Variants in CFAP74 observed in about 807,000 individuals in gnomAD.
The protein encoded by CFAP74 is cilia and flagella associated protein 74, also known as cilia- and flagella-associated protein 74.
In CFAP74, 124 loss-of-function variants were observed where a neutral mutation model predicts 188.9. The ratio of observed to expected loss-of-function variants is 0.66; its 90% CI spans 0.57 to 0.76. The LOEUF (loss-of-function observed/expected upper bound fraction) is 0.76. Among genes scored for constraint, CFAP74 ranks in the 30% least tolerant of loss-of-function variants. CFAP74 has a pLI of 0.00. For missense variants in CFAP74, 2,198 were observed against 2,165.2 expected (o/e 1.02, Z -0.30); for synonymous variants, 956 against 916.7 (o/e 1.04, Z -0.77).
chr1:1,927,566 G>A, intron 28 of CFAP74, 41 bp downstream of exon 28: 1 of 1,528,242 alleles, frequency 6.5e-7, no homozygotes, highest in East Asian at 2.4e-5. Flanking sequence ...CACCAGAGGG[G>A]CCTGGAGGGA....
intron 6 of CFAP74, among the ~76,000 whole-genome samples, chr1:1,981,572 C>T (rs113838672): frequency 7.9e-5 from 9 of 114,362 alleles, no homozygotes; most frequent in Admixed American, 6.5e-4. Flanking sequence ...CACAGGACAC[C>T]CAGCCGTGGA....
chr1:1,927,527 G>A lies in CFAP74; in HGVS notation c.3527+80C>T, dbSNP rs1652002353. 5 of 1,304,056 alleles carry A rather than the reference G, an allele frequency of 3.8e-6. No individual in the cohort carries two copies. The South Asian group carries it at 7.1e-5, about 19-fold the overall frequency. 80.8% of individuals were successfully genotyped at this position (1,304,056 alleles called of 1,614,324 possible). A position where few individuals can be genotyped will look rare whatever the true frequency, so the allele number is the denominator to read the frequency against. ...GGTCATTCCGGGCAATCTGTAGGGA[G>A]GGGACTCTACAGGGGCCACAGTGGG... On this transcript the variant is annotated intron_variant, in intron 28 of 38. Transcript: ENST00000682832.
intron 18 of CFAP74, 85 bp downstream of exon 18, chr1:1,955,606 C>T (rs1301823586): frequency 1.2e-5 from 19 of 1,612,322 alleles, no homozygotes; most frequent in Non-Finnish European, 1.6e-5. Flanking sequence ...TTCCAGCCCT[C>T]CCCTGGGCCC....
At chr1:1,943,619 T>A (rs918266482) in intron 21 of CFAP74, among the ~76,000 whole-genome samples, 1 of 152,216 alleles carries the variant, frequency 6.6e-6, no homozygotes, top group Admixed American at 6.5e-5. Flanking sequence ...TCTGGAGCCC[T>A]TGCCAAACCC....
chr1:1,978,870 C>T (rs1656613578), intron 6 of CFAP74, among the ~76,000 whole-genome samples: 1 of 152,252 alleles, frequency 6.6e-6, no homozygotes, highest in Non-Finnish European at 1.5e-5. Flanking sequence ...TCCCATGTGG[C>T]CAAGCGGGGT....
intron 20 of CFAP74, 99 bp from the exon 21 acceptor site, chr1:1,944,551 G>T: frequency 1.6e-6 from 2 of 1,284,200 alleles, no homozygotes; most frequent in South Asian, 1.4e-5. Flanking sequence ...CGTTTCATGG[G>T]CTTGAGTTTT....
intron 14 of CFAP74, 73 bp from the exon 15 acceptor site, chr1:1,960,103 ACAGTCAGGCTGGG>A (rs2102065858): frequency 7.4e-7 from 1 of 1,354,466 alleles, no homozygotes; most frequent in African/African-American, 1.5e-5. Context: ...CACCCAGAGC[ACAGTCAGGCTGGG>A]CCTCCTGGCC....
chr1:1,959,051 G>T, intron 16 of CFAP74, 69 bp downstream of exon 16: 1 of 1,074,226 alleles, frequency 9.3e-7, no homozygotes, highest in Non-Finnish European at 1.4e-6. Flanking sequence ...CCCAGGAGAT[G>T]CCGTCCCCCA....
chr1:1,988,390 G>A (rs986988500), intron 4 of CFAP74, 122 bp downstream of exon 4: 2 of 1,237,262 alleles, frequency 1.6e-6, no homozygotes, highest in East Asian at 2.3e-5. Flanking sequence ...TGGAGACCCT[G>A]TGCGACCCTC....
rs1651440645 is a variant in CFAP74 at position 1,922,265 on chromosome 1, C to T, written c.*22G>A. 2 of 1,592,052 alleles carry T rather than the reference C, an allele frequency of 1.3e-6. No homozygotes were observed. Among genetic ancestry groups the T allele is most frequent in the Non-Finnish European group, 8.6e-7 (1 of 1,163,888 alleles). On this transcript the variant is annotated 3_prime_UTR_variant, in exon 39 of 39. Coordinates refer to ENST00000682832, the MANE Select transcript of CFAP74 (RefSeq NM_001304360.2). ...GGCTTTGAGGGTGGACAGGAGGGCC[C>T]GAGGGTGCTCTGTGCAGAGGCTTAG...
At chr1:1,922,540 G>A (rs370656249) in intron 38 of CFAP74, 49 bp downstream of exon 38, 15 of 1,599,340 alleles carry the variant, frequency 9.4e-6, no homozygotes, top group South Asian at 2.2e-5. Context: ...AGCCCACCCA[G>A]CCTTTGGCGT....
rs1653609475 is a variant in CFAP74 at position 1,944,416 on chromosome 1, GCACA to G, written c.2397_2400del (p.Val800ArgfsTer11). 1.3e-6 allele frequency: 2 copies of G among 1,535,966 alleles called. No individual in the cohort carries two copies. The highest frequency in any genetic ancestry group is 1.7e-6 in the Non-Finnish European group (2 of 1,146,888). ...ACGCTGGGCTTCGGCACCCAGACCG[GCACA>G]TCGATGGCCACGCCCACGACCCTGA... On this transcript the variant is annotated frameshift_variant, in exon 21 of 39. Coordinates refer to ENST00000682832, the MANE Select transcript of CFAP74 (RefSeq NM_001304360.2). LOFTEE classifies it high-confidence loss of function.
At position 1,955,939 on chromosome 1, in the gene CFAP74, G is replaced by A. The variant is rs1269282030; in HGVS notation, c.2017-89C>T. 4.0e-6 allele frequency: 6 copies of A among 1,496,120 alleles called. No homozygotes were observed. In the Admixed American group the frequency reaches 1.3e-4, roughly 32 times the overall value. 92.7% of individuals were successfully genotyped at this position (1,496,120 alleles called of 1,614,324 possible). On this transcript the variant is annotated intron_variant, in intron 17 of 38. Coordinates refer to ENST00000682832, the MANE Select transcript of CFAP74 (RefSeq NM_001304360.2). ...CGGAACTCCCATGAGGACAGGCCGT[G>A]TTGGGGGCTGGACCCTGGCTCCAGC...
chr1:1,944,215 G>A (rs1223798602), intron 21 of CFAP74, 116 bp downstream of exon 21: 1 of 1,457,018 alleles, frequency 6.9e-7, no homozygotes, highest in Non-Finnish European at 9.1e-7. Context: ...CACCCCGTGT[G>A]CGTGGGTCAC....
intron 10 of CFAP74, among the ~76,000 whole-genome samples, chr1:1,969,162 CCTG>C (rs930537426): frequency 1.3e-5 from 2 of 151,036 alleles, no homozygotes; most frequent in Non-Finnish European, 3.0e-5. Flanking sequence ...CAAGCCCAGT[CCTG>C]CTCAGTCCTG....
intron 9 of CFAP74, 72 bp from the exon 10 acceptor site, chr1:1,970,888 T>C (rs535542253): frequency 2.7e-5 from 42 of 1,571,238 alleles, no homozygotes; most frequent in Middle Eastern, 3.4e-4. Context: ...CACCTGCACA[T>C]GTGCACACAC....
At position 1,986,835 on chromosome 1, in the gene CFAP74, C is replaced by G. The variant is rs1455685147; in HGVS notation, c.395+102G>C. ...GCCTCACACTGGGGCTCCTCATTGG[C>G]CTGAACACAGCAGGTGCTTCACGCC... is the stretch of plus-strand genomic sequence containing the variant. On this transcript the variant is annotated intron_variant, in intron 5 of 38. Transcript: ENST00000682832. 7 of 959,302 alleles carry G rather than the reference C, an allele frequency of 7.3e-6. No homozygotes were observed. In the East Asian group the frequency reaches 1.5e-4, roughly 20 times the overall value. 59.4% of individuals were successfully genotyped at this position (959,302 alleles called of 1,614,324 possible).
At chr1:1,992,243 C>T (rs1657629117) in intron 1 of CFAP74, among the ~76,000 whole-genome samples, 1 of 152,066 alleles carries the variant, frequency 6.6e-6, no homozygotes, top group Non-Finnish European at 1.5e-5. Context: ...CAGTTTACTA[C>T]AGCCTCAAAC....
chr1:1,970,817 C>T lies in CFAP74; in HGVS notation c.889-1G>A. ...ATGCTTGGAACTTCCGCAGTGTGTC[C>T]TTGGAAACAGAGAGCACTGAGATGA... On this transcript the variant is annotated splice_acceptor_variant, in intron 9 of 38. Transcript: ENST00000682832. LOFTEE classifies it high-confidence loss of function. The T allele has an allele frequency of 6.2e-7, 1 of 1,613,918 alleles. No homozygotes were observed. The highest frequency in any genetic ancestry group is 8.5e-7 in the Non-Finnish European group (1 of 1,179,902).
Sources: allele counts gnomAD v4.1 joint callset (sites outside exome capture counted in the v4.1 genomes callset), GRCh38; gene constraint gnomAD v4.1.1; transcripts MANE v1.5; gene names NCBI Gene and HGNC (gene_info 2026-07-23, HGNC 2026-07-21).